GTF2F2: variants seen among roughly 807,000 people sequenced by gnomAD.
The protein encoded by GTF2F2 is ATP-dependent helicase GTF2F2.
A neutral mutation model predicts 42.2 loss-of-function variants in GTF2F2; 23 were observed. The observed-to-expected ratio is 0.55, with a 90% CI of 0.39 to 0.77. GTF2F2 has a LOEUF of 0.77. Ranked by LOEUF, GTF2F2 falls within the 30% of genes least tolerant of loss-of-function variation. GTF2F2 has a pLI of 0.00. For missense variants in GTF2F2, 261 were observed against 287.2 expected (o/e 0.91, Z 0.66); for synonymous variants, 105 against 100.8 (o/e 1.04, Z -0.25).
intron 3 of GTF2F2, 48 bp from the exon 4 acceptor site, chr13:45,151,639 G>T: frequency 8.1e-7 from 1 of 1,235,258 alleles, no homozygotes; most frequent in Non-Finnish European, 1.2e-6. Context: ...TATATATATA[G>T]TTTGAATACA....
At chr13:45,179,212 A>G (rs1872030715) in intron 4 of GTF2F2, among the ~76,000 whole-genome samples, 1 of 152,208 alleles carries the variant, frequency 6.6e-6, no homozygotes, top group Admixed American at 6.5e-5. Flanking sequence ...AGCGGTGTGC[A>G]AGTACAGGGA....
At chr13:45,283,400 C>T (rs1159016198) in intron 7 of GTF2F2, 42 bp from the exon 8 acceptor site, 1 of 1,564,818 alleles carries the variant, frequency 6.4e-7, no homozygotes, top group South Asian at 1.2e-5. Context: ...TTGTCCCCTG[C>T]ATTTATAATC....
At chr13:45,232,402 G>A (rs533378990) in intron 5 of GTF2F2, among the ~76,000 whole-genome samples, 68 of 152,254 alleles carry the variant, frequency 4.5e-4, no homozygotes, top group South Asian at 6.2e-4. Flanking sequence ...TGAGGCAGGA[G>A]GATCACTTGA....
chr13:45,220,988 G>T (rs9526050), intron 5 of GTF2F2: 25,037 of 151,544 alleles, frequency 0.17, 2,462 homozygotes, highest in Non-Finnish European at 0.22. Context: ...TATATATATA[G>T]AGAGAGAAAC....
chr13:45,122,867 C>G (rs533070897), intron 1 of GTF2F2, among the ~76,000 whole-genome samples: 51 of 152,078 alleles, frequency 3.4e-4, no homozygotes, highest in Non-Finnish European at 6.8e-4. Context: ...AATTCCATCA[C>G]TAGACAGGTA....
intron 4 of GTF2F2, among the ~76,000 whole-genome samples, chr13:45,158,387 ACTT>A (rs1271156723): frequency 1.3e-5 from 2 of 152,114 alleles, no homozygotes; most frequent in African/African-American, 4.8e-5. Flanking sequence ...AGTCTGTTAA[ACTT>A]CTTTTTCTTT....
At chr13:45,141,556 A>C (rs1869928025) in intron 2 of GTF2F2, among the ~76,000 whole-genome samples, 1 of 152,086 alleles carries the variant, frequency 6.6e-6, no homozygotes, top group Non-Finnish European at 1.5e-5. Flanking sequence ...GGTAGGGGTG[A>C]AGACGGTGGG....
chr13:45,209,192 C>T (rs1873533086), intron 5 of GTF2F2, among the ~76,000 whole-genome samples: 1 of 152,144 alleles, frequency 6.6e-6, no homozygotes, highest in Non-Finnish European at 1.5e-5. Context: ...TATATAAGGA[C>T]ATTTGGTGGT....
At chr13:45,274,911 CAA>C (rs879687807) in intron 7 of GTF2F2, among the ~76,000 whole-genome samples, 2 of 136,442 alleles carry the variant, frequency 1.5e-5, no homozygotes. Context: ...GACCCTGTCT[CAA>C]AAAAAAAAAA....
At chr13:45,213,742 G>A (rs879652324) in intron 5 of GTF2F2, among the ~76,000 whole-genome samples, 4 of 151,912 alleles carry the variant, frequency 2.6e-5, no homozygotes, top group African/African-American at 9.7e-5. Context: ...GGTAGGTACA[G>A]AAATATGAGA....
chr13:45,279,084 A>G (rs1177480468), intron 7 of GTF2F2, among the ~76,000 whole-genome samples: 3 of 151,638 alleles, frequency 2.0e-5, no homozygotes, highest in Middle Eastern at 3.2e-3. Flanking sequence ...CAGCCTCCCA[A>G]AGTGCTGGGA....
At chr13:45,169,261 G>A (rs1871475136) in intron 4 of GTF2F2, among the ~76,000 whole-genome samples, 1 of 152,120 alleles carries the variant, frequency 6.6e-6, no homozygotes, top group Non-Finnish European at 1.5e-5. Context: ...AGAGGCAGTG[G>A]CAATTGACTG....
chr13:45,199,150 T>A (rs1353436883), intron 4 of GTF2F2, among the ~76,000 whole-genome samples: 1 of 152,192 alleles, frequency 6.6e-6, no homozygotes, highest in Non-Finnish European at 1.5e-5. Context: ...GGCCACAAGG[T>A]CGTGTGAACA....
chr13:45,140,114 ATT>A (rs1002989702), intron 2 of GTF2F2, among the ~76,000 whole-genome samples: 3 of 140,770 alleles, frequency 2.1e-5, no homozygotes, highest in Non-Finnish European at 4.7e-5. Flanking sequence ...TGCCCAGCTA[ATT>A]TTTTTTTTTT....
At position 45,191,224 on chromosome 13, in the gene GTF2F2, A is replaced by ATATAT. The variant is rs1555267736; in HGVS notation, c.305-16200_305-16199insTATAT. Among the ~76,000 whole-genome samples the ATATAT allele has an allele frequency of 5.5e-3, 416 of 75,290 alleles. 7 individuals are homozygous for ATATAT. The highest frequency in any genetic ancestry group is 0.011 in the South Asian group (29 of 2,540). 49.4% of individuals were successfully genotyped at this position (75,290 alleles called of 152,430 possible). A position where few individuals can be genotyped will look rare whatever the true frequency, so the allele number is the denominator to read the frequency against. ...GTCTCTACTAAAAATACAAAAAAAA[A>ATATAT]ATATATATATATATATATATATATA... On this transcript the variant is annotated intron_variant, in intron 4 of 7. Transcript: ENST00000340473.
chr13:45,186,434 G>C (rs1250761766), intron 4 of GTF2F2, among the ~76,000 whole-genome samples: 1 of 151,646 alleles, frequency 6.6e-6, no homozygotes, highest in African/African-American at 2.4e-5. Flanking sequence ...TGGGATTTCA[G>C]GCGTCCACCA....
intron 4 of GTF2F2, among the ~76,000 whole-genome samples, chr13:45,185,084 A>G (rs1872354967): frequency 6.6e-6 from 1 of 152,084 alleles, no homozygotes; most frequent in Non-Finnish European, 1.5e-5. Flanking sequence ...TGGCCTTTGA[A>G]AGTGCCTGGA....
At chr13:45,188,072 A>T (rs1872498620) in intron 4 of GTF2F2, among the ~76,000 whole-genome samples, 1 of 152,044 alleles carries the variant, frequency 6.6e-6, no homozygotes, top group African/African-American at 2.4e-5. Flanking sequence ...TGCCCAGCTA[A>T]TGTTTATGTT....
chr13:45,270,048 T>C (rs1451296261), intron 7 of GTF2F2, among the ~76,000 whole-genome samples: 1 of 152,172 alleles, frequency 6.6e-6, no homozygotes, highest in Non-Finnish European at 1.5e-5. Flanking sequence ...ACAAGGCTGG[T>C]CTTGAACTCC....
Sources: gnomAD v4.1 joint callset for allele counts (sites outside exome capture counted in the v4.1 genomes callset) on GRCh38, gnomAD v4.1.1 for gene constraint, MANE v1.5 for transcripts, NCBI Gene and HGNC (gene_info 2026-07-23, HGNC 2026-07-21) for gene names.